The following RASAL2 variants were observed in gnomAD, a reference collection of about 807,000 sequenced individuals.
The protein encoded by RASAL2 is RAS protein activator like 2.
RASAL2 carries 58 observed loss-of-function variants against 128.9 expected under a neutral mutation model. The ratio of observed to expected loss-of-function variants is 0.45; its 90% confidence interval spans 0.36 to 0.56. The LOEUF is 0.56. RASAL2 is among the 20% of genes least tolerant of loss of function. The pLI, the probability that RASAL2 is intolerant of heterozygous loss-of-function variation, is 0.00. For missense variants in RASAL2, 1,360 were observed against 1,601.6 expected (o/e 0.85, Z 2.57); for synonymous variants, 561 against 580.8 (o/e 0.97, Z 0.49).
intron 1 of RASAL2, among the ~76,000 whole-genome samples, chr1:178,222,057 G>T (rs1181162379): frequency 6.6e-6 from 1 of 152,038 alleles, no homozygotes; most frequent in African/African-American, 2.4e-5. Flanking sequence ...AGTTAATATA[G>T]TGATTCCAGC....
chr1:178,416,231 T>C (rs1674745728), intron 4 of RASAL2, among the ~76,000 whole-genome samples: 1 of 152,128 alleles, frequency 6.6e-6, no homozygotes, highest in Admixed American at 6.5e-5. Context: ...ATACTTATTT[T>C]TTAAAAAATT....
At chr1:178,400,931 A>G (rs1673585975) in intron 4 of RASAL2, among the ~76,000 whole-genome samples, 1 of 152,072 alleles carries the variant, frequency 6.6e-6, no homozygotes, top group African/African-American at 2.4e-5. Context: ...TTCTATTTTT[A>G]GTAGAGACGG....
At position 178,477,175 on chromosome 1, in the gene RASAL2, C is replaced by CT. The variant is rs1442661333; in HGVS notation, c.*3937dup. 6.6e-6 allele frequency: 1 copy of CT among 152,318 alleles called. No individual in the cohort carries two copies. Among genetic ancestry groups the CT allele is most frequent in the Admixed American group, 6.5e-5 (1 of 15,288 alleles). 9.4% of individuals were successfully genotyped at this position (152,318 alleles called of 1,614,324 possible). ...TGTGGAAAGCCAGAAGGGCTCCCTTCTCCATTCTCCTTCCCTTTTTCAAGT... is the reference window on the plus strand; with the variant it reads ...TGTGGAAAGCCAGAAGGGCTCCCTTCTTCCATTCTCCTTCCCTTTTTCAAGT... On this transcript the variant is annotated 3_prime_UTR_variant, in exon 18 of 18. Coordinates refer to ENST00000367649, the MANE Select transcript of RASAL2 (RefSeq NM_170692.4).
chr1:178,458,953 G>A (rs953333276), intron 14 of RASAL2, among the ~76,000 whole-genome samples: 2 of 151,924 alleles, frequency 1.3e-5, no homozygotes, highest in African/African-American at 4.8e-5. Flanking sequence ...TTTGCATTCC[G>A]AGCCAAGAGT....
chr1:178,202,929 A>T (rs1007275957), intron 1 of RASAL2, among the ~76,000 whole-genome samples: 3 of 152,204 alleles, frequency 2.0e-5, no homozygotes, highest in African/African-American at 7.2e-5. Context: ...ACTTCCACTT[A>T]CCAAGGCTGA....
rs1047150322 is a variant in RASAL2 at position 178,474,727 on chromosome 1, T to C, written c.*1488T>C. The C allele has an allele frequency of 5.9e-5, 9 of 151,970 alleles. No individual in the cohort carries two copies. The highest frequency in any genetic ancestry group is 1.0e-4 in the Non-Finnish European group (7 of 67,978). The allele number at this position is 151,970 out of a possible 1,614,324, so 9.4% of individuals were successfully genotyped here. ...ATATATATTCACACATATGTACATA[T>C]AACTGCACAAATAGGAAAAGTTCAT... On this transcript the variant is annotated 3_prime_UTR_variant, in exon 18 of 18. Transcript: ENST00000367649.
chr1:178,108,829 A>G (rs1025253475), intron 1 of RASAL2, among the ~76,000 whole-genome samples: 1 of 152,168 alleles, frequency 6.6e-6, no homozygotes, highest in African/African-American at 2.4e-5. Flanking sequence ...TTTACAGAAT[A>G]TTTTCATCGA....
chr1:178,222,262 A>G (rs773178437), intron 1 of RASAL2, among the ~76,000 whole-genome samples: 1 of 152,080 alleles, frequency 6.6e-6, no homozygotes, highest in Non-Finnish European at 1.5e-5. Context: ...TTGGATTATT[A>G]ATATCTACCA....
At chr1:178,431,195 T>C (rs1016697132) in intron 5 of RASAL2, among the ~76,000 whole-genome samples, 3 of 152,000 alleles carry the variant, frequency 2.0e-5, no homozygotes, top group African/African-American at 7.2e-5. Flanking sequence ...ATTATAAATA[T>C]GACAGAAAAA....
At chr1:178,184,612 G>A (rs1662226870) in intron 1 of RASAL2, among the ~76,000 whole-genome samples, 1 of 151,732 alleles carries the variant, frequency 6.6e-6, no homozygotes, top group Non-Finnish European at 1.5e-5. Context: ...GTTTCCTTTT[G>A]TCAAAAACCA....
intron 5 of RASAL2, among the ~76,000 whole-genome samples, chr1:178,438,905 G>C (rs1009336192): frequency 6.6e-6 from 1 of 150,502 alleles, no homozygotes; most frequent in African/African-American, 2.4e-5. Context: ...GTGTGTGTGT[G>C]TGTGTGTGTG....
intron 1 of RASAL2, among the ~76,000 whole-genome samples, chr1:178,277,260 G>A (rs1234456970): frequency 6.6e-6 from 1 of 151,350 alleles, no homozygotes; most frequent in Non-Finnish European, 1.5e-5. Context: ...AAGAAAAAAT[G>A]CAATCCTCCC....
intron 4 of RASAL2, 37 bp from the exon 5 acceptor site, chr1:178,420,474 G>T: frequency 1.4e-6 from 2 of 1,398,080 alleles, no homozygotes; most frequent in South Asian, 1.2e-5. Context: ...ATTCCCTTTT[G>T]GTTCTCTCTC....
At position 178,438,931 on chromosome 1, in the gene RASAL2, G is replaced by GT. The variant is rs397864365; in HGVS notation, c.675-487dup. ...TGTGTGTGTGTGTGTGTGTGTGTGT[G>GT]TTTTGCCAAAGTAGAAAGAAACAAA... On this transcript the variant is annotated intron_variant, in intron 5 of 17. Coordinates refer to ENST00000367649, the MANE Select transcript of RASAL2 (RefSeq NM_170692.4). Among the ~76,000 whole-genome samples, 6 of 137,770 alleles carry GT rather than the reference G, an allele frequency of 4.4e-5. No homozygotes were observed. The South Asian group carries it at 6.8e-4, about 16-fold the overall frequency. 90.4% of individuals were successfully genotyped at this position (137,770 alleles called of 152,430 possible).
chr1:178,442,789 C>G lies in RASAL2; in HGVS notation c.1042C>G (p.Arg348Gly). The G allele has an allele frequency of 6.2e-7, 1 of 1,613,874 alleles. No individual in the cohort carries two copies. The highest frequency in any genetic ancestry group is 8.5e-7 in the Non-Finnish European group (1 of 1,179,926). Residue 348 changes from arginine to glycine, a missense_variant, in exon 8 of 18, where the codon CGT becomes GGT. Arg to Gly is a moderately radical substitution (Grantham distance 125). Around this residue, in one of 3 missense-constraint regions of RASAL2, gnomAD observed 617 missense variants for 714.2 expected, o/e 0.86. Coordinates refer to ENST00000367649, the MANE Select transcript of RASAL2 (RefSeq NM_170692.4). ...GTGCCTTGATGATACCCTCTTTGCT[C>G]GTACAACCAGCAAGACCAAAGCAGA... is the stretch of plus-strand genomic sequence containing the variant. The part of the protein sequence containing the change: ...ELCLDDTLFA[R>G]TTSKTKADNI...
At chr1:178,373,274 C>CTTTTTTTTTTTTTT (rs60835442) in intron 3 of RASAL2, among the ~76,000 whole-genome samples, 2,655 of 58,844 alleles carry the variant, frequency 0.045, 372 homozygotes, top group African/African-American at 0.091. Flanking sequence ...TGTTTCTTTC[C>CTTTTTTTTTTTTTT]TTTTTTTTTT....
chr1:178,383,819 A>G (rs1557945764), intron 3 of RASAL2, among the ~76,000 whole-genome samples: 2 of 152,234 alleles, frequency 1.3e-5, no homozygotes, highest in Admixed American at 6.5e-5. Flanking sequence ...AGCCACCAAC[A>G]TACCACATCC....
chr1:178,315,625 T>G (rs1343006775), intron 3 of RASAL2, among the ~76,000 whole-genome samples: 2 of 141,398 alleles, frequency 1.4e-5, no homozygotes, highest in Admixed American at 6.9e-5. Flanking sequence ...TCGCCCACTT[T>G]TTGATGGGGT....
chr1:178,459,022 G>A (rs1387685119), intron 14 of RASAL2, among the ~76,000 whole-genome samples: 2 of 152,032 alleles, frequency 1.3e-5, no homozygotes, highest in Non-Finnish European at 2.9e-5. Context: ...AAAGTCCCAT[G>A]TGGCTTTTCC....
Sources: gnomAD v4.1 joint callset for allele counts (sites outside exome capture counted in the v4.1 genomes callset) on GRCh38, gnomAD v4.1.1 for gene constraint, gnomAD v4.1.1 regional missense constraint, MANE v1.5 for transcripts, NCBI Gene and HGNC (gene_info 2026-07-23, HGNC 2026-07-21) for gene names.